MX1: variants seen among roughly 807,000 people sequenced by gnomAD.
MX1 encodes the protein interferon-induced GTP-binding protein Mx1.
MX1 carries 66 observed loss-of-function variants against 66.4 expected under a neutral mutation model. The ratio of observed to expected loss-of-function variants is 0.99; its 90% CI spans 0.82 to 1.22. The LOEUF is 1.22. Among genes scored for constraint, MX1 ranks in the 50% most tolerant of loss-of-function variants. The pLI is 0.00. For synonymous variants in MX1, 311 were observed against 318.1 expected (o/e 0.98, Z 0.24); for missense variants, 787 against 834.3 (o/e 0.94, Z 0.70).
rs564392423 is a variant in MX1 at position 41,431,243 on chromosome 21, G to A, written c.-22+635G>A. Reference sequence around the variant, plus strand: ...TCACTATGTTGGCCAAGCTCGCTTCGAACTCCTGACCTCAGGTGATCCACT... The same window carrying A: ...TCACTATGTTGGCCAAGCTCGCTTCAAACTCCTGACCTCAGGTGATCCACT... On this transcript the variant is annotated intron_variant, in intron 4 of 16. Transcript: ENST00000398598. 1.9e-3 allele frequency among the ~76,000 whole-genome samples: 283 copies of A among 152,228 alleles called. 1 individual carries two copies. The highest frequency in any genetic ancestry group is 1.8e-3 in the Non-Finnish European group (122 of 68,018).
intron 16 of MX1, among the ~76,000 whole-genome samples, chr21:41,454,659 A>G (rs2090916853): frequency 6.6e-6 from 1 of 152,212 alleles, no homozygotes; most frequent in Non-Finnish European, 1.5e-5. Flanking sequence ...CTGAAGTACA[A>G]TCTAATTCAT....
chr21:41,450,942 T>C, intron 14 of MX1: 1 of 270,992 alleles, frequency 3.7e-6, no homozygotes, highest in Non-Finnish European at 6.8e-6. Context: ...GGATAAAAAG[T>C]TTAAATATCA....
intron 13 of MX1, among the ~76,000 whole-genome samples, chr21:41,446,394 C>T (rs1181815285): frequency 6.6e-6 from 1 of 152,256 alleles, no homozygotes; most frequent in African/African-American, 2.4e-5. Flanking sequence ...CACAGGCATA[C>T]CTCAGAGATA....
At chr21:41,429,645 A>G (rs1422915968) in intron 3 of MX1, 1 of 152,152 alleles carries the variant, frequency 6.6e-6, no homozygotes, top group Non-Finnish European at 1.5e-5. Flanking sequence ...ATTACCTTTT[A>G]TAACCATCCC....
chr21:41,449,251 A>C lies in MX1; in HGVS notation c.1388A>C (p.Lys463Thr). ...GAGACAATCGTGAAACAGCAAATCA[A>C]GGCACTGGAAGAGCCGGCTGTGGAT... is the stretch of plus-strand genomic sequence containing the variant. Reference protein sequence around the residue: ...TFETIVKQQIKALEEPAVDML... With the variant: ...TFETIVKQQITALEEPAVDML... Residue 463 changes from lysine to threonine, a missense_variant, in exon 14 of 17, where the codon AAG becomes ACG. Transcript: ENST00000398598. 6.2e-7 allele frequency: 1 copy of C among 1,614,060 alleles called. No homozygotes were observed.
rs1365699263 is a variant in MX1 at position 41,441,518 on chromosome 21, T to TCCC, written c.731-197_731-195dup. The TCCC allele has an allele frequency of 1.6e-6, 1 of 610,436 alleles. No individual in the cohort carries two copies. The highest frequency in any genetic ancestry group is 2.9e-6 in the Non-Finnish European group (1 of 343,302). 37.8% of individuals were successfully genotyped at this position (610,436 alleles called of 1,614,324 possible). Reference sequence around the variant, plus strand: ...GAGCCACATGCTGTTCTGGGAGGCATCCCTGCCTTCACGCGGCTTGTCGTG... The same window carrying TCCC: ...GAGCCACATGCTGTTCTGGGAGGCATCCCCCCTGCCTTCACGCGGCTTGTCGTG... On this transcript the variant is annotated intron_variant, in intron 9 of 16. Coordinates refer to ENST00000398598, the MANE Select transcript of MX1 (RefSeq NM_002462.5). The surrounding 1 kb of genome is among the most constrained non-coding windows in gnomAD (Gnocchi z 4.0).
intron 16 of MX1, among the ~76,000 whole-genome samples, chr21:41,458,189 C>A (rs905728173): frequency 2.0e-5 from 3 of 152,252 alleles, no homozygotes; most frequent in Non-Finnish European, 4.4e-5. Context: ...GGTTTCACCA[C>A]GTTGACCAGG....
rs762469655 is a variant in MX1 at position 41,439,758 on chromosome 21, C to T, written c.501C>T (p.Ser167=). The change falls in exon 8 of 17, where the codon AGC becomes AGT. Residue 167 remains serine, a synonymous_variant. Transcript: ENST00000398598. The part of the protein sequence containing the change: ...ISHELITLEI[S]SRDVPDLTLI... Reference sequence around the variant, plus strand: ...ATGAGCTAATCACCCTGGAGATCAGCTCCCGAGATGTCCCGGATCTGACTC... The same window carrying T: ...ATGAGCTAATCACCCTGGAGATCAGTTCCCGAGATGTCCCGGATCTGACTC... 3.1e-6 allele frequency: 5 copies of T among 1,614,098 alleles called. No homozygotes were observed. In the East Asian group the frequency reaches 8.9e-5, roughly 29 times the overall value.
At position 41,459,020 on chromosome 21, in the gene MX1, A is replaced by G. The variant is rs2146402049; in HGVS notation, c.*262A>G. 3.4e-6 allele frequency: 2 copies of G among 586,824 alleles called. No individual in the cohort carries two copies. The highest frequency in any genetic ancestry group is 2.9e-5 in the East Asian group (1 of 34,594). The allele number at this position is 586,824 out of a possible 1,614,324, so 36.4% of individuals were successfully genotyped here. A position where few individuals can be genotyped will look rare whatever the true frequency, so the allele number is the denominator to read the frequency against. On this transcript the variant is annotated 3_prime_UTR_variant, in exon 17 of 17. Coordinates refer to ENST00000398598, the MANE Select transcript of MX1 (RefSeq NM_002462.5). ...ACTGGGAAAGGGATTTTCAGCCCTC[A>G]GAATCGCTCCACCTTGCAGCTCTCC...
Position 41,441,978 on chromosome 21 carries a change from C to CA in MX1, c.929+65dup. On this transcript the variant is annotated intron_variant, in intron 10 of 16. Coordinates refer to ENST00000398598, the MANE Select transcript of MX1 (RefSeq NM_002462.5). This position sits in a 1 kb window ranked among gnomAD's most constrained non-coding sequence, Gnocchi z 4.0. ...CCAGGATGTCAGGCCTTCCAGGGGA[C>CA]AGTGGCAGCCGTCCCACAGATGTGT... The CA allele has an allele frequency of 6.5e-7, 1 of 1,543,996 alleles. No homozygotes were observed. Among genetic ancestry groups the CA allele is most frequent in the Non-Finnish European group, 8.9e-7 (1 of 1,117,866 alleles).
chr21:41,436,061 A>T (rs773396227), intron 6 of MX1, 32 bp downstream of exon 6: 1 of 1,600,850 alleles, frequency 6.2e-7, no homozygotes, highest in Non-Finnish European at 8.5e-7. Flanking sequence ...TAGTCTGCTC[A>T]GGCTGCCATA....
chr21:41,435,765 G>A, intron 5 of MX1, 72 bp from the exon 6 acceptor site: 2 of 1,511,490 alleles, frequency 1.3e-6, no homozygotes, highest in Non-Finnish European at 1.8e-6. Flanking sequence ...TTTGGGTAGG[G>A]ACACAGAACC....
At chr21:41,420,857 G>C (rs1210301452) in intron 1 of MX1, 1 of 152,322 alleles carries the variant, frequency 6.6e-6, no homozygotes. Flanking sequence ...GGAGCCTGTG[G>C]TGTCAGGCAC....
At chr21:41,444,210 A>AT (rs1280410661) in intron 11 of MX1, among the ~76,000 whole-genome samples, 7 of 151,020 alleles carry the variant, frequency 4.6e-5, no homozygotes, top group Non-Finnish European at 1.0e-4. Flanking sequence ...TAATGAACAT[A>AT]TTTTTTAACT....
At chr21:41,444,711 G>A (rs1019879854) in intron 11 of MX1, among the ~76,000 whole-genome samples, 1 of 152,032 alleles carries the variant, frequency 6.6e-6, no homozygotes, top group Non-Finnish European at 1.5e-5. Flanking sequence ...TCCCCACCTC[G>A]AGCAAGCCCA....
At chr21:41,451,848 A>AC (rs1555887855) in intron 15 of MX1, among the ~76,000 whole-genome samples, 12 of 146,656 alleles carry the variant, frequency 8.2e-5, no homozygotes, top group Admixed American at 4.7e-4. Flanking sequence ...AAAAAAAAAA[A>AC]AAACAAACAA....
intron 14 of MX1, 133 bp from the exon 15 acceptor site, chr21:41,451,034 A>C: frequency 5.2e-6 from 3 of 581,994 alleles, no homozygotes; most frequent in Non-Finnish European, 6.1e-6. Flanking sequence ...TTGCTTTTTC[A>C]TGGTAAAGAG....
chr21:41,422,223 AC>A (rs2090000986), upstream of MX1: 1 of 152,272 alleles, frequency 6.6e-6, no homozygotes, highest in Non-Finnish European at 1.5e-5. Context: ...CAAGATGGCC[AC>A]GAGAGTGACC....
At chr21:41,450,427 A>G (rs1325432221) in intron 14 of MX1, among the ~76,000 whole-genome samples, 1 of 152,214 alleles carries the variant, frequency 6.6e-6, no homozygotes, top group Non-Finnish European at 1.5e-5. Context: ...TCATGGATCC[A>G]TGAACTAAGG....
Sources: gnomAD v4.1 joint callset for allele counts (sites outside exome capture counted in the v4.1 genomes callset) on GRCh38, gnomAD v4.1.1 for gene constraint, Gnocchi (gnomAD v3.1) non-coding constraint, MANE v1.5 for transcripts, NCBI Gene and HGNC (gene_info 2026-07-23, HGNC 2026-07-21) for gene names.